MACF1: variants seen among roughly 807,000 people sequenced by gnomAD.
MACF1 encodes the protein microtubule-actin cross-linking factor 1.
A neutral mutation model predicts 854.8 loss-of-function variants in MACF1; 193 were observed. The ratio of observed to expected loss-of-function variants is 0.23; its 90% CI spans 0.20 to 0.25. The LOEUF is 0.25. Ranked by LOEUF, MACF1 falls within the 10% of genes least tolerant of loss-of-function variation. The probability of loss-of-function intolerance (pLI) is 1.00; values close to 1 mark genes in which losing one functional copy is unlikely to be tolerated. For missense variants in MACF1, 7,722 were observed against 8,929.1 expected, an observed-to-expected ratio of 0.86 and a Z score of 5.45; for synonymous variants, 3,185 against 3,226.7, an observed-to-expected ratio of 0.99 and a Z score of 0.44.
At chr1:39,179,510 T>C (rs1215144465) in intron 2 of MACF1, among the ~76,000 whole-genome samples, 2 of 152,204 alleles carry the variant, frequency 1.3e-5, no homozygotes, top group African/African-American at 4.8e-5. Flanking sequence ...TTTCCTGTTC[T>C]GTAAAATGGA....
chr1:39,304,009 ATTTC>A (rs1306545509), intron 23 of MACF1, among the ~76,000 whole-genome samples: 113 of 149,520 alleles, frequency 7.6e-4, no homozygotes, highest in Middle Eastern at 3.6e-3. Flanking sequence ...CGTTGATGCC[ATTTC>A]TTTCTTTTTT....
chr1:39,107,128 GGA>G (rs1328164583), intron 2 of MACF1, among the ~76,000 whole-genome samples: 1 of 152,140 alleles, frequency 6.6e-6, no homozygotes, highest in Non-Finnish European at 1.5e-5. Flanking sequence ...TTCAGAGAGA[GGA>G]GATACATTAG....
At chr1:39,295,479 A>G (rs569361654) in intron 19 of MACF1, among the ~76,000 whole-genome samples, 40 of 152,314 alleles carry the variant, frequency 2.6e-4, no homozygotes, top group African/African-American at 9.6e-4. Flanking sequence ...CCTTTGCCAA[A>G]AGAAGAGAAA....
chr1:39,449,537 T>C (rs1985076), intron 84 of MACF1, among the ~76,000 whole-genome samples: 24,235 of 151,824 alleles, frequency 0.16, 2,409 homozygotes, highest in Middle Eastern at 0.22. Flanking sequence ...TAGCTGGGAC[T>C]ACAGGCACCC....
At position 39,334,293 on chromosome 1, in the gene MACF1, G is replaced by A; in HGVS notation, c.7705G>A (p.Asp2569Asn). The A allele has an allele frequency of 6.2e-7, 1 of 1,613,934 alleles. No homozygotes were observed. Among genetic ancestry groups the A allele is most frequent in the Non-Finnish European group, 8.5e-7 (1 of 1,179,938 alleles). Residue 2569 changes from aspartate to asparagine, a missense_variant, in exon 37 of 101, where the codon GAC (aspartate) becomes AAC (asparagine). Physicochemically the swap from Asp to Asn is conservative, Grantham distance 23. Coordinates refer to ENST00000564288, the MANE Select transcript of MACF1 (RefSeq NM_001394062.1). ...CATAAAATTAGATCTTATTACCTCA[G>A]ACCTGAAAAGAGAAATCCAGGAGGT... The part of the protein sequence containing the change: ...KAIKLDLITS[D>N]LKREIQEVQA...
chr1:39,483,101 AAAAAAAAAAAAC>A lies in MACF1; in HGVS notation c.22282-1498_22282-1487del, dbSNP rs1282488837. ...GACTCTGTCTCAAAAAAAAAAAAAA[AAAAAAAAAAAAC>A]ACCCACACATTTAAAATACTCTTTT... On this transcript the variant is annotated intron_variant, in intron 99 of 100. Coordinates refer to ENST00000564288, the MANE Select transcript of MACF1 (RefSeq NM_001394062.1). Among the ~76,000 whole-genome samples the A allele has an allele frequency of 5.1e-3, 756 of 148,610 alleles. 12 individuals are homozygous for A. Among genetic ancestry groups the A allele is most frequent in the Non-Finnish European group, 7.6e-3 (509 of 67,230 alleles).
chr1:39,197,873 G>A (rs1225151841), intron 2 of MACF1, among the ~76,000 whole-genome samples: 1 of 152,106 alleles, frequency 6.6e-6, no homozygotes, highest in Non-Finnish European at 1.5e-5. Flanking sequence ...GCGACAGAGC[G>A]AGACCATGTT....
chr1:39,227,295 A>G (rs1644727559), intron 1 of MACF1, among the ~76,000 whole-genome samples: 4 of 151,782 alleles, frequency 2.6e-5, no homozygotes, highest in Admixed American at 2.6e-4. Flanking sequence ...TCTTTTACCA[A>G]TCTTCTAATC....
rs761940109 is a variant in MACF1 at position 39,393,916 on chromosome 1, G to GAGAA, written c.15816+5267_15816+5270dup. ...GAAGGAAGGAAAGAAAAGAAAGAAA[G>GAGAA]AGAAAGAAAGAACGAACGAACGAAC... On this transcript the variant is annotated intron_variant, in intron 58 of 100. Coordinates refer to ENST00000564288, the MANE Select transcript of MACF1 (RefSeq NM_001394062.1). Among the ~76,000 whole-genome samples, 3 of 151,944 alleles carry GAGAA rather than the reference G, an allele frequency of 2.0e-5. No homozygotes were observed. The South Asian group carries it at 6.3e-4, about 32-fold the overall frequency.
chr1:39,368,755 G>A (rs1195041449), intron 50 of MACF1, among the ~76,000 whole-genome samples: 4 of 152,074 alleles, frequency 2.6e-5, no homozygotes, highest in African/African-American at 4.8e-5. Flanking sequence ...ACCTGCCTCC[G>A]CCTCCCAAAG....
chr1:39,222,825 T>C (rs968429521), intron 1 of MACF1, among the ~76,000 whole-genome samples: 1 of 152,206 alleles, frequency 6.6e-6, no homozygotes, highest in African/African-American at 2.4e-5. Context: ...CTTGAAGCAC[T>C]TGTCATTTTT....
rs564890372 is a variant in MACF1 at position 39,095,445 on chromosome 1, C to T, written c.220+11007C>T. 4.4e-4 allele frequency among the ~76,000 whole-genome samples: 67 copies of T among 151,214 alleles called. No homozygotes were observed. In the Middle Eastern group the frequency reaches 0.02, roughly 46 times the overall value. ...AGGCATGGTGGTGCGCGCCTGTAGT[C>T]CCAGCTACTCAGTAGGCTGAGGCAG... On this transcript the variant is annotated intron_variant, in intron 2 of 93. Transcript: ENST00000361689.
At chr1:39,326,877 A>G (rs944641196) in intron 35 of MACF1, among the ~76,000 whole-genome samples, 8 of 152,122 alleles carry the variant, frequency 5.3e-5, no homozygotes, top group Non-Finnish European at 1.0e-4. Context: ...ATAAAACTGA[A>G]AGGTAGAGTT....
Position 39,105,573 on chromosome 1 carries a change from G to T in MACF1, c.220+21135G>T, listed in dbSNP as rs1183124291. The T allele has an allele frequency of 3.4e-6, 4 of 1,173,402 alleles. No individual in the cohort carries two copies. The Admixed American group carries it at 1.3e-4, about 39-fold the overall frequency. The allele number at this position is 1,173,402 out of a possible 1,614,324, so 72.7% of individuals were successfully genotyped here. The stretch of plus-strand genomic sequence containing the variant: ...GGGCCGCCGCCGCCTCAGCGCGCGG[G>T]CCTGGAACCGGCAGCCCCCGGGGCT... On this transcript the variant is annotated intron_variant, in intron 2 of 93. Coordinates refer to the MACF1 transcript ENST00000361689. The surrounding 1 kb of genome is among the most constrained non-coding windows in gnomAD (Gnocchi z 5.9).
chr1:39,155,224 A>C (rs1440213727), intron 2 of MACF1, among the ~76,000 whole-genome samples: 1 of 152,208 alleles, frequency 6.6e-6, no homozygotes, highest in Non-Finnish European at 1.5e-5. Flanking sequence ...AGTTCCAAAC[A>C]TCCTTGTTTT....
At chr1:39,348,447 C>T (rs1276448635) in intron 41 of MACF1, among the ~76,000 whole-genome samples, 1 of 152,190 alleles carries the variant, frequency 6.6e-6, no homozygotes, top group African/African-American at 2.4e-5. Flanking sequence ...AAATGCTCTG[C>T]TTCTCTCAAT....
At chr1:39,242,778 C>T (rs1340614616) in intron 2 of MACF1, among the ~76,000 whole-genome samples, 1 of 151,442 alleles carries the variant, frequency 6.6e-6, no homozygotes, top group African/African-American at 2.4e-5. Context: ...AGCACAGTGG[C>T]CCACACCTGT....
chr1:39,113,593 C>G lies in MACF1; in HGVS notation c.220+29155C>G, dbSNP rs376419659. 1.2e-4 allele frequency among the ~76,000 whole-genome samples: 19 copies of G among 152,262 alleles called. No homozygotes were observed. The East Asian group carries it at 3.3e-3, about 26-fold the overall frequency. ...ATCATCCCTGATAATTGGAACATTC[C>G]TGATGGTTGACACATGGTCATACAG... On this transcript the variant is annotated intron_variant, in intron 2 of 93. Coordinates refer to the MACF1 transcript ENST00000361689.
At chr1:39,163,072 G>A (rs149466135) in intron 2 of MACF1, among the ~76,000 whole-genome samples, 136 of 151,968 alleles carry the variant, frequency 8.9e-4, no homozygotes, top group African/African-American at 3.0e-3. Flanking sequence ...CTCCATAGTC[G>A]CCGGGCATGG....
Sources: allele counts gnomAD v4.1 joint callset (sites outside exome capture counted in the v4.1 genomes callset), GRCh38; gene constraint gnomAD v4.1.1; non-coding constraint Gnocchi (gnomAD v3.1); transcripts MANE v1.5; gene names NCBI Gene and HGNC (gene_info 2026-07-23, HGNC 2026-07-21).